The following COL12A1 variants were observed in gnomAD, a reference collection of about 807,000 sequenced individuals.
The protein encoded by COL12A1 is collagen alpha-1(XII) chain.
Under a neutral mutation model 349.7 loss-of-function variants are expected in COL12A1, and 114 were observed. The observed-to-expected ratio is 0.33, with a 90% CI of 0.28 to 0.38. COL12A1 has a LOEUF of 0.38. Among genes scored for constraint, COL12A1 ranks in the 10% least tolerant of loss-of-function variants. The probability of loss-of-function intolerance (pLI) is 1.00; values close to 1 mark genes in which losing one functional copy is unlikely to be tolerated. For missense variants in COL12A1, 3,284 were observed against 3,756.9 expected (o/e 0.87, Z 3.29); for synonymous variants, 1,369 against 1,329.0 (o/e 1.03, Z -0.66).
rs114313965 is a variant in COL12A1, at chr6:75,136,791, C to G, written c.5394+646G>C. On this transcript the variant is annotated intron_variant, in intron 31 of 65. Transcript: ENST00000322507. ...ACAAAAGGCAAAGTTGTAGAAAGCC[C>G]AAAACCAGACAACTAAAGTAAGGGA... Among the ~76,000 whole-genome samples, 1,353 of 152,134 alleles carry G rather than the reference C, an allele frequency of 8.9e-3. 27 individuals are homozygous for G. The highest frequency in any genetic ancestry group is 0.031 in the African/African-American group (1,274 of 41,496).
intron 16 of COL12A1, 135 bp from the exon 17 acceptor site, chr6:75,154,672 T>A (rs933320705): frequency 2.8e-5 from 23 of 820,872 alleles, no homozygotes; most frequent in Non-Finnish European, 3.7e-5. Flanking sequence ...TACAACATTA[T>A]AAGAGAAGAA....
chr6:75,132,935 G>C (rs936464613), intron 34 of COL12A1, among the ~76,000 whole-genome samples: 1 of 152,150 alleles, frequency 6.6e-6, no homozygotes, highest in African/African-American at 2.4e-5. Flanking sequence ...GTGCCGAACA[G>C]ATTTCAACAA....
At chr6:75,124,842 G>A (rs960399370) in intron 40 of COL12A1, among the ~76,000 whole-genome samples, 1 of 151,686 alleles carries the variant, frequency 6.6e-6, no homozygotes, top group Admixed American at 6.6e-5. Flanking sequence ...TAATTTTACA[G>A]GTCATTCATG....
Position 75,117,008 on chromosome 6 carries a change from C to T in COL12A1, c.7519+374G>A, listed in dbSNP as rs111753676. On this transcript the variant is annotated intron_variant, in intron 47 of 65. Transcript: ENST00000322507. ...TTTTCTTCATTGCTCTCTTGAAGCA[C>T]GGATGTTGACAGAACAAATACCAAT... is the stretch of plus-strand genomic sequence containing the variant. Among the ~76,000 whole-genome samples, 87 of 152,212 alleles carry T rather than the reference C, an allele frequency of 5.7e-4. 2 individuals are homozygous for T. Among genetic ancestry groups the T allele is most frequent in the African/African-American group, 1.9e-3 (80 of 41,550 alleles).
chr6:75,123,261 C>G, intron 43 of COL12A1, 69 bp downstream of exon 43: 1 of 1,238,756 alleles, frequency 8.1e-7, no homozygotes, highest in South Asian at 1.3e-5. Flanking sequence ...AAATGATGCA[C>G]ATGCAGCGTA....
chr6:75,168,669 C>T (rs1480621945), intron 13 of COL12A1, among the ~76,000 whole-genome samples: 1 of 152,118 alleles, frequency 6.6e-6, no homozygotes, highest in Non-Finnish European at 1.5e-5. Context: ...TTAAATCTGC[C>T]CTGTGATTCC....
In COL12A1 at chr6:75,181,006, G is replaced by A. The variant is rs1769246070; in HGVS notation, c.2097C>T (p.Val699=). ...CATCCTCATACTCCGCAGTCACATT[G>A]ACCAAATACAAGGTCTCTGGCTTCA... The part of the protein sequence containing the change: ...SSLKPETLYL[V]NVTAEYEDGF... The change falls in exon 11 of 66, where the codon GTC becomes GTT. Residue 699 remains valine, a synonymous_variant. Coordinates refer to ENST00000322507, the MANE Select transcript of COL12A1 (RefSeq NM_004370.6). 7 of 1,614,032 alleles carry A rather than the reference G, an allele frequency of 4.3e-6. No individual in the cohort carries two copies. Among genetic ancestry groups the A allele is most frequent in the Non-Finnish European group, 5.9e-6 (7 of 1,180,016 alleles).
At chr6:75,132,323 C>T (rs190488976) in intron 34 of COL12A1, among the ~76,000 whole-genome samples, 47 of 152,146 alleles carry the variant, frequency 3.1e-4, no homozygotes, top group Admixed American at 1.2e-3. Flanking sequence ...AGCTAATAAA[C>T]GTGGTGGAAC....
chr6:75,114,866 G>A (rs1355055987), intron 49 of COL12A1, among the ~76,000 whole-genome samples: 10 of 151,986 alleles, frequency 6.6e-5, no homozygotes, highest in Admixed American at 6.6e-4. Flanking sequence ...TCAGCCAAAA[G>A]TTCTGATGCT....
chr6:75,105,602 G>GA (rs973052232), intron 53 of COL12A1, among the ~76,000 whole-genome samples: 5 of 151,690 alleles, frequency 3.3e-5, no homozygotes, highest in African/African-American at 1.2e-4. Context: ...TTCCCATCTG[G>GA]AAAAAAATCC....
At chr6:75,102,744 T>C in intron 55 of COL12A1, 52 bp from the exon 56 acceptor site, 1 of 1,169,354 alleles carries the variant, frequency 8.6e-7, no homozygotes, top group Non-Finnish European at 1.2e-6. Flanking sequence ...ACCTTTTCAG[T>C]GCTGACATTT....
At position 75,086,552 on chromosome 6, in the gene COL12A1, C is replaced by T. The variant is rs746453262; in HGVS notation, c.9187G>A (p.Gly3063Ser). 70 of 1,600,800 alleles carry T rather than the reference C, an allele frequency of 4.4e-5. 1 individual carries two copies. Among genetic ancestry groups the T allele is most frequent in the South Asian group, 5.6e-5 (5 of 89,754 alleles). Residue 3063 changes from glycine (G) to serine (S), a missense_variant, in exon 66 of 66, where the codon GGC becomes AGC. Physicochemically the swap from Gly to Ser is moderately conservative, Grantham distance 56. Around this residue, in one of 2 missense-constraint regions of COL12A1, gnomAD observed 683 missense variants for 932.1 expected, o/e 0.73. Coordinates refer to ENST00000322507, the MANE Select transcript of COL12A1 (RefSeq NM_004370.6). ...CTGGCGACTTAGAAAATGTGTTAGCCGGAACCTGAAACAGGTCAAAGATGA... is the reference window on the plus strand; with the variant it reads ...CTGGCGACTTAGAAAATGTGTTAGCTGGAACCTGAAACAGGTCAAAGATGA... ...PYNGQGYPGSG is the reference protein window; with the variant it reads ...PYNGQGYPGSS
chr6:75,140,208 C>T (rs1381648489), intron 27 of COL12A1, among the ~76,000 whole-genome samples: 3 of 152,170 alleles, frequency 2.0e-5, no homozygotes, highest in East Asian at 3.8e-4. Context: ...GCAAAGCTGT[C>T]GTCTACTGAT....
chr6:75,135,208 T>C (rs2239643), intron 31 of COL12A1, among the ~76,000 whole-genome samples: 115,664 of 152,116 alleles, frequency 0.76, 44,297 homozygotes, highest in Middle Eastern at 0.84. Context: ...CTTTAAGATA[T>C]GAAACAATTG....
intron 58 of COL12A1, among the ~76,000 whole-genome samples, chr6:75,101,348 T>C (rs1768293639): frequency 6.6e-6 from 1 of 152,228 alleles, no homozygotes; most frequent in South Asian, 2.1e-4. Context: ...CTTCTTTTTA[T>C]GAATATGATA....
At chr6:75,169,000 G>C (rs240720) in intron 13 of COL12A1, among the ~76,000 whole-genome samples, 5,013 of 152,282 alleles carry the variant, frequency 0.033, 272 homozygotes, top group African/African-American at 0.11. Flanking sequence ...GAACAGAGGA[G>C]ATGATTTAAG....
intron 25 of COL12A1, among the ~76,000 whole-genome samples, chr6:75,144,681 T>A (rs983111356): frequency 6.6e-6 from 1 of 152,224 alleles, no homozygotes; most frequent in Non-Finnish European, 1.5e-5. Context: ...CACAAAAGGC[T>A]GACCAACACA....
intron 60 of COL12A1, among the ~76,000 whole-genome samples, chr6:75,093,058 G>A (rs979065701): frequency 8.5e-5 from 13 of 152,154 alleles, no homozygotes; most frequent in African/African-American, 2.9e-4. Flanking sequence ...TTGTCAGAGA[G>A]GTTCCTAGAT....
intron 50 of COL12A1, 21 bp downstream of exon 50, chr6:75,113,581 C>T (rs1482890818): frequency 3.8e-6 from 6 of 1,592,252 alleles, no homozygotes; most frequent in South Asian, 2.3e-5. Flanking sequence ...TATGCATGTG[C>T]CTTAAGATAA....
Sources: gnomAD v4.1 joint callset for allele counts (sites outside exome capture counted in the v4.1 genomes callset) on GRCh38, gnomAD v4.1.1 for gene constraint, gnomAD v4.1.1 regional missense constraint, MANE v1.5 for transcripts, NCBI Gene and HGNC (gene_info 2026-07-23, HGNC 2026-07-21) for gene names.